Variants in C17orf114 observed in about 807,000 individuals in gnomAD.
C17orf114 encodes chromosome 17 open reading frame 114.
upstream of C17orf114, among the ~76,000 whole-genome samples, chr17:4,805,178 C>T (rs941794520): frequency 6.6e-6 from 1 of 152,070 alleles, no homozygotes; most frequent in African/African-American, 2.4e-5. Context: ...CGCCTGTAAT[C>T]CCAGCACTTT....
At chr17:4,804,984 C>T (rs1438265786), upstream of C17orf114, among the ~76,000 whole-genome samples, 1 of 152,124 alleles carries the variant, frequency 6.6e-6, no homozygotes, top group Non-Finnish European at 1.5e-5. Context: ...AGTGTATGCT[C>T]CTATGCAATC....
chr17:4,803,416 ATTTTTTTT>A (rs34116712), upstream of C17orf114, among the ~76,000 whole-genome samples: 340 of 75,482 alleles, frequency 4.5e-3, 1 homozygote, highest in African/African-American at 0.018. Flanking sequence ...GTTTTTTTTA[ATTTTTTTT>A]TTTTTTTTTT....
upstream of C17orf114, among the ~76,000 whole-genome samples, chr17:4,803,482 T>A (rs1905566505): frequency 1.5e-5 from 2 of 133,196 alleles, no homozygotes; most frequent in African/African-American, 5.6e-5. Flanking sequence ...TGGAATGCAG[T>A]GGCGCGGTCT....
intron 1 of C17orf114, 103 bp from the exon 2 acceptor site, chr17:4,801,558 G>GC (rs11434801): frequency 0.48 from 192,431 of 397,094 alleles, 48,053 homozygotes; most frequent in Non-Finnish European, 0.53. Context: ...GACACCTGGG[G>GC]CCTGGGGGCT....
At chr17:4,802,468 G>A (rs545116228), upstream of C17orf114, 5 of 395,444 alleles carry the variant, frequency 1.3e-5, no homozygotes, top group Admixed American at 2.2e-4. Flanking sequence ...AAAGGGGAGA[G>A]GAGGGAGGAA....
upstream of C17orf114, among the ~76,000 whole-genome samples, chr17:4,802,506 A>G (rs1347678053): frequency 6.6e-6 from 1 of 152,246 alleles, no homozygotes; most frequent in African/African-American, 2.4e-5. Context: ...ACTCCCATTC[A>G]GACACCTATT....
chr17:4,806,807 A>AG (rs1302904695), upstream of C17orf114: 10 of 150,534 alleles, frequency 6.6e-5, no homozygotes, highest in South Asian at 2.1e-3. Context: ...CCGCGGCTGG[A>AG]GGGGCCCGGG....
chr17:4,805,392 A>G (rs1438778423), upstream of C17orf114, among the ~76,000 whole-genome samples: 1 of 149,462 alleles, frequency 6.7e-6, no homozygotes, highest in Non-Finnish European at 1.5e-5. Flanking sequence ...ATTGCACTCC[A>G]GCCTGGGCAA....
At chr17:4,804,122 G>A (rs1279075469), upstream of C17orf114, among the ~76,000 whole-genome samples, 1 of 152,192 alleles carries the variant, frequency 6.6e-6, no homozygotes, top group Non-Finnish European at 1.5e-5. Context: ...GCCAAGGCTG[G>A]GAGCATCTAG....
At chr17:4,805,234 C>T (rs1292127015), upstream of C17orf114, among the ~76,000 whole-genome samples, 1 of 151,274 alleles carries the variant, frequency 6.6e-6, no homozygotes, top group East Asian at 2.0e-4. Context: ...TCGACGCCAG[C>T]CTGACCAACA....
upstream of C17orf114, among the ~76,000 whole-genome samples, chr17:4,804,473 G>A (rs1013216509): frequency 6.6e-6 from 1 of 151,964 alleles, no homozygotes; most frequent in African/African-American, 2.4e-5. Context: ...CAAAGTGCTG[G>A]GATTCCAAGC....
intron 1 of C17orf114, 110 bp from the exon 2 acceptor site, chr17:4,801,565 G>T: frequency 2.5e-6 from 1 of 397,596 alleles, no homozygotes; most frequent in Non-Finnish European, 4.4e-6. Flanking sequence ...GGGGCCTGGG[G>T]GCTGGTGAGG....
exon 2 of C17orf114, chr17:4,801,259 T>G (rs1426128859): frequency 5.0e-6 from 2 of 398,606 alleles, no homozygotes; most frequent in African/African-American, 2.1e-5. Context: ...TGCTAAGCCT[T>G]CCTGGAGGTT....
chr17:4,804,024 G>A (rs933885867), upstream of C17orf114, among the ~76,000 whole-genome samples: 22 of 151,682 alleles, frequency 1.5e-4, no homozygotes, highest in African/African-American at 5.3e-4. Flanking sequence ...ACCCAGCCCA[G>A]AATCTACTCT....
At chr17:4,805,158 C>A (rs1181266327), upstream of C17orf114, among the ~76,000 whole-genome samples, 1 of 152,054 alleles carries the variant, frequency 6.6e-6, no homozygotes, top group Non-Finnish European at 1.5e-5. Context: ...AGACCGGGTG[C>A]GGTGGCTCAC....
chr17:4,805,324 G>A (rs901996021), upstream of C17orf114, among the ~76,000 whole-genome samples: 2 of 151,878 alleles, frequency 1.3e-5, no homozygotes, highest in East Asian at 1.9e-4. Context: ...AGCTACTCAG[G>A]AGGCTGAGGC....
chr17:4,804,555 G>C (rs185173310), upstream of C17orf114, among the ~76,000 whole-genome samples: 13 of 151,442 alleles, frequency 8.6e-5, no homozygotes, highest in Non-Finnish European at 1.9e-4. Flanking sequence ...GGGAGTGTTA[G>C]GTTGCTGATT....
At chr17:4,807,007 A>C (rs1267420600), upstream of C17orf114, 2 of 145,150 alleles carry the variant, frequency 1.4e-5, no homozygotes, top group African/African-American at 5.1e-5. This position sits in a 1 kb window ranked among gnomAD's most constrained non-coding sequence, Gnocchi z 5.4. Context: ...TCGGTGGCGC[A>C]CTGGGCGGCG....
At chr17:4,801,447 G>A in exon 2 of C17orf114, 3 of 398,916 alleles carry the variant, frequency 7.5e-6, no homozygotes, top group Non-Finnish European at 1.3e-5. Flanking sequence ...GGGGCAGCAG[G>A]ACTCAGGCCT....
Sources: gnomAD v4.1 joint callset for allele counts (sites outside exome capture counted in the v4.1 genomes callset) on GRCh38, gnomAD v4.1.1 for gene constraint, Gnocchi (gnomAD v3.1) non-coding constraint, MANE v1.5 for transcripts, NCBI Gene and HGNC (gene_info 2026-07-23, HGNC 2026-07-21) for gene names.